The following RAB3IP variants were observed in gnomAD, a reference collection of about 807,000 sequenced individuals.
RAB3IP encodes RAB3A interacting protein.
Under a neutral mutation model 59.1 loss-of-function variants are expected in RAB3IP, and 36 were observed. That is an observed-to-expected ratio of 0.61 (90% CI 0.47 to 0.80). The LOEUF (loss-of-function observed/expected upper bound fraction) is 0.80, where lower values mean the gene tolerates loss of function less well. Among genes scored for constraint, RAB3IP ranks in the 30% least tolerant of loss-of-function variants. RAB3IP has a pLI of 0.00. For missense variants in RAB3IP, 511 were observed against 536.0 expected (o/e 0.95, Z 0.46); for synonymous variants, 207 against 191.2 (o/e 1.08, Z -0.68).
intron 6 of RAB3IP, among the ~76,000 whole-genome samples, chr12:69,798,894 A>G (rs187827068): frequency 6.6e-6 from 1 of 152,280 alleles, no homozygotes; most frequent in Admixed American, 6.5e-5. Context: ...TATTAAACAG[A>G]CTGTTAAATT....
At chr12:69,800,391 T>G in intron 7 of RAB3IP, 54 bp downstream of exon 7, 1 of 1,074,812 alleles carries the variant, frequency 9.3e-7, no homozygotes, top group Non-Finnish European at 1.3e-6. Flanking sequence ...TGTACTTCTT[T>G]TAAACTAAAT....
intron 1 of RAB3IP, among the ~76,000 whole-genome samples, chr12:69,746,079 T>C (rs546170474): frequency 2.1e-4 from 32 of 152,322 alleles, no homozygotes; most frequent in Non-Finnish European, 4.4e-4. Context: ...TCCATACGTA[T>C]ATATGCCTCC....
intron 5 of RAB3IP, 31 bp downstream of exon 5, chr12:69,794,545 A>G: frequency 6.5e-7 from 1 of 1,541,370 alleles, no homozygotes. Flanking sequence ...ATAGTATAAA[A>G]TAAATTTGTG....
chr12:69,757,308 TAAAAC>T (rs1870389151), intron 3 of RAB3IP, among the ~76,000 whole-genome samples: 1 of 151,410 alleles, frequency 6.6e-6, no homozygotes, highest in African/African-American at 2.4e-5. Flanking sequence ...AAGAGCAAAA[TAAAAC>T]CAGAGCAAGT....
rs544649547 is a variant in RAB3IP at position 69,759,900 on chromosome 12, G to A, written c.510+3237G>A. Among the ~76,000 whole-genome samples, 1,046 of 151,546 alleles carry A rather than the reference G, an allele frequency of 6.9e-3. 9 individuals are homozygous for A. The highest frequency in any genetic ancestry group is 0.023 in the African/African-American group (955 of 41,168). ...CGCTCCTCACCTCCCAGACGGGGTC[G>A]CGGCTGGACAGAGGCGCTCCCCACA... is the stretch of plus-strand genomic sequence containing the variant. On this transcript the variant is annotated intron_variant, in intron 3 of 10. Transcript: ENST00000247833.
At position 69,819,307 on chromosome 12, in the gene RAB3IP, G is replaced by A. The variant is rs1442307393; in HGVS notation, c.*3861G>A. On this transcript the variant is annotated 3_prime_UTR_variant, in exon 11 of 11. Transcript: ENST00000247833. ...TAGGCTTTTGGCTTGAGCTATTGCA[G>A]TTTATTGAGATGGGGAAATACATGG... The A allele has an allele frequency of 6.6e-6, 1 of 152,210 alleles. No individual in the cohort carries two copies. Among genetic ancestry groups the A allele is most frequent in the African/African-American group, 2.4e-5 (1 of 41,460 alleles). The allele number at this position is 152,210 out of a possible 1,614,324, so 9.4% of individuals were successfully genotyped here.
intron 3 of RAB3IP, among the ~76,000 whole-genome samples, chr12:69,762,216 A>G (rs910339684): frequency 6.6e-6 from 1 of 152,120 alleles, no homozygotes. Context: ...ATTATGATGT[A>G]GTCATTTAGC....
chr12:69,819,789 A>T lies in RAB3IP; in HGVS notation c.*4343A>T, dbSNP rs1881505299. On this transcript the variant is annotated 3_prime_UTR_variant, in exon 11 of 11. Transcript: ENST00000247833. ...CCTGGCCTAATGGAGACAGCTCTGG[A>T]TTGGGAGTCACTTAGACCTACATTC... The T allele has an allele frequency of 6.6e-6, 1 of 152,174 alleles. No homozygotes were observed. Among genetic ancestry groups the T allele is most frequent in the African/African-American group, 2.4e-5 (1 of 41,448 alleles). 9.4% of individuals were successfully genotyped at this position (152,174 alleles called of 1,614,324 possible).
At chr12:69,759,547 C>A (rs1400999504) in intron 3 of RAB3IP, among the ~76,000 whole-genome samples, 2 of 151,664 alleles carry the variant, frequency 1.3e-5, no homozygotes, top group East Asian at 3.9e-4. Flanking sequence ...TCCTCACTTC[C>A]CAGAAGGGGC....
rs377696181 is a variant in RAB3IP at position 69,795,235 on chromosome 12, A to G, written c.779A>G (p.Lys260Arg). ...ACGCAGGAGCCTTTGCCAGGTGGAA[A>G]GACACCTTTTAAAAAGGGGCATACA... ...SPTQEPLPGG[K>R]TPFKKGHTRN... Residue 260 changes from lysine to arginine, a missense_variant, in exon 6 of 11, where the codon AAG (lysine) becomes AGG (arginine). Transcript: ENST00000247833. 7.4e-6 allele frequency: 12 copies of G among 1,614,014 alleles called. No individual in the cohort carries two copies. The African/African-American group carries it at 1.6e-4, about 22-fold the overall frequency.
At chr12:69,799,962 GTTAT>G (rs1015544828) in intron 6 of RAB3IP, among the ~76,000 whole-genome samples, 8 of 151,924 alleles carry the variant, frequency 5.3e-5, no homozygotes, top group Non-Finnish European at 1.2e-4. Context: ...AGGCTAATTG[GTTAT>G]TTGAGAGTCA....
intron 3 of RAB3IP, among the ~76,000 whole-genome samples, chr12:69,763,241 C>T (rs1405521080): frequency 6.6e-6 from 1 of 152,088 alleles, no homozygotes; most frequent in Non-Finnish European, 1.5e-5. Context: ...ACAAAATTGC[C>T]CTTGATGAGA....
intron 6 of RAB3IP, among the ~76,000 whole-genome samples, chr12:69,797,652 TC>T (rs1877708562): frequency 1.3e-5 from 2 of 152,034 alleles, no homozygotes; most frequent in East Asian, 3.9e-4. Flanking sequence ...TAGGTATATC[TC>T]CCAATGCTAT....
At chr12:69,772,971 A>G (rs181244003) in intron 3 of RAB3IP, among the ~76,000 whole-genome samples, 1 of 152,154 alleles carries the variant, frequency 6.6e-6, no homozygotes, top group Non-Finnish European at 1.5e-5. Context: ...CATTTCTTGT[A>G]AGATAATTCT....
rs35791347 is a variant in RAB3IP at position 69,818,063 on chromosome 12, C to CAAT, written c.*2619_*2620insTAA. 0.87 allele frequency: 132,848 copies of CAAT among 151,914 alleles called. 58,392 individuals are homozygous for CAAT. Among genetic ancestry groups the CAAT allele is most frequent in the Admixed American group, 0.93 (14,172 of 15,286 alleles). The allele number at this position is 151,914 out of a possible 1,614,324, so 9.4% of individuals were successfully genotyped here. A position where few individuals can be genotyped will look rare whatever the true frequency, so the allele number is the denominator to read the frequency against. Reference sequence around the variant, plus strand: ...TTCGATTGGTGAAAATGAAGAAACACAAAGTCAAGTTTTGGAGAGGGTTTT... The same window carrying CAAT: ...TTCGATTGGTGAAAATGAAGAAACACAATAAAGTCAAGTTTTGGAGAGGGTTTT... On this transcript the variant is annotated 3_prime_UTR_variant, in exon 11 of 11. Coordinates refer to ENST00000247833, the MANE Select transcript of RAB3IP (RefSeq NM_022456.5).
chr12:69,802,062 G>A (rs7965134), intron 8 of RAB3IP, among the ~76,000 whole-genome samples: 3 of 150,346 alleles, frequency 2.0e-5, no homozygotes, highest in African/African-American at 4.9e-5. Flanking sequence ...GATAGAAACC[G>A]GAGTTGTTTT....
rs74876237 is a variant in RAB3IP, at chr12:69,766,182, G to A, written c.510+9519G>A. 9.6e-3 allele frequency among the ~76,000 whole-genome samples: 1,468 copies of A among 152,220 alleles called. 129 individuals carry two copies. The East Asian group carries it at 0.22, about 23-fold the overall frequency. On this transcript the variant is annotated intron_variant, in intron 3 of 10. Coordinates refer to ENST00000247833, the MANE Select transcript of RAB3IP (RefSeq NM_022456.5). Reference sequence around the variant, plus strand: ...TATCTTGCAGTTCTCTAGATTTTTTGTATCTGGGTGTTTACCTTTCTAGCA... The same window carrying A: ...TATCTTGCAGTTCTCTAGATTTTTTATATCTGGGTGTTTACCTTTCTAGCA...
At chr12:69,742,565 C>T (rs78110771) in intron 1 of RAB3IP, among the ~76,000 whole-genome samples, 5,033 of 152,182 alleles carry the variant, frequency 0.033, 105 homozygotes, top group Non-Finnish European at 0.048. Context: ...ACAAGTGCTT[C>T]GAGAGTAGGG....
intron 6 of RAB3IP, chr12:69,796,010 G>T (rs775626062): frequency 6.6e-6 from 1 of 152,146 alleles, no homozygotes; most frequent in Non-Finnish European, 1.5e-5. Flanking sequence ...ATTTAAAAAC[G>T]AAATAATGGG....
Sources: gnomAD v4.1 joint callset for allele counts (sites outside exome capture counted in the v4.1 genomes callset) on GRCh38, gnomAD v4.1.1 for gene constraint, MANE v1.5 for transcripts, NCBI Gene and HGNC (gene_info 2026-07-23, HGNC 2026-07-21) for gene names.